Variants in CLCN3 observed in about 807,000 individuals in gnomAD.
The protein encoded by CLCN3 is Cl-/H+ antiporter 3, also known as H(+)/Cl(-) exchange transporter 3.
In CLCN3, 16 loss-of-function variants were observed where a neutral mutation model predicts 83.4. That is an observed-to-expected ratio of 0.19 (90% CI 0.13 to 0.29). The LOEUF is 0.29. CLCN3 is among the 10% of genes least tolerant of loss of function. The pLI is 1.00. For synonymous variants in CLCN3, 322 were observed against 346.2 expected, an observed-to-expected ratio of 0.93 and a Z score of 0.78; for missense variants, 544 against 1,006.0, an observed-to-expected ratio of 0.54 and a Z score of 6.21.
chr4:169,681,550 C>T (rs1414728782), intron 3 of CLCN3, among the ~76,000 whole-genome samples: 3 of 152,116 alleles, frequency 2.0e-5, no homozygotes, highest in South Asian at 2.1e-4. Context: ...AAATACAGTA[C>T]ATGAAATCCA....
chr4:169,661,086 T>G (rs1322844583), intron 2 of CLCN3, among the ~76,000 whole-genome samples: 1 of 151,758 alleles, frequency 6.6e-6, no homozygotes, highest in African/African-American at 2.4e-5. Context: ...AAAAATAATA[T>G]TGGTTTGTGA....
intron 2 of CLCN3, among the ~76,000 whole-genome samples, chr4:169,679,483 C>G (rs1176939263): frequency 2.6e-5 from 4 of 151,386 alleles, no homozygotes; most frequent in African/African-American, 4.9e-5. Context: ...ACTTCCTAGA[C>G]GGGGTGGCGG....
chr4:169,626,154 A>C (rs7683123), intron 1 of CLCN3, among the ~76,000 whole-genome samples: 1,953 of 152,338 alleles, frequency 0.013, 18 homozygotes, highest in Middle Eastern at 0.044. Flanking sequence ...GGTTCAATTA[A>C]TGTGCTAGAG....
intron 7 of CLCN3, among the ~76,000 whole-genome samples, 174 bp from the exon 8 acceptor site, chr4:169,695,438 A>G (rs139232713): frequency 6.6e-6 from 1 of 152,348 alleles, no homozygotes; most frequent in East Asian, 1.9e-4. Flanking sequence ...AAGCCAGGAG[A>G]AAGAAACAAA....
intron 9 of CLCN3, 89 bp from the exon 10 acceptor site, chr4:169,703,909 A>G: frequency 7.8e-7 from 1 of 1,288,116 alleles, no homozygotes; most frequent in Middle Eastern, 2.1e-4. Context: ...AAAAGAATCA[A>G]AAGTGTTAGA....
chr4:169,670,922 G>A (rs569166728), intron 2 of CLCN3, among the ~76,000 whole-genome samples: 47 of 152,290 alleles, frequency 3.1e-4, no homozygotes, highest in Admixed American at 7.2e-4. Context: ...GTCAAATGGT[G>A]ATTATTATAA....
chr4:169,710,334 G>A (rs943580662), intron 11 of CLCN3, among the ~76,000 whole-genome samples: 4 of 152,130 alleles, frequency 2.6e-5, no homozygotes, highest in African/African-American at 9.7e-5. Flanking sequence ...GCACGATCTT[G>A]GCTTACTTGA....
intron 2 of CLCN3, among the ~76,000 whole-genome samples, chr4:169,672,653 T>G (rs1241899199): frequency 6.6e-6 from 1 of 152,020 alleles, no homozygotes; most frequent in African/African-American, 2.4e-5. Flanking sequence ...GTTATATATA[T>G]TTTGTTTGTT....
At chr4:169,682,988 T>G (rs761831352) in intron 3 of CLCN3, among the ~76,000 whole-genome samples, 41 of 152,248 alleles carry the variant, frequency 2.7e-4, no homozygotes, top group African/African-American at 9.4e-4. Context: ...GACCGTACTT[T>G]GAAAATCACT....
intron 3 of CLCN3, among the ~76,000 whole-genome samples, chr4:169,682,968 G>A (rs953217159): frequency 4.6e-5 from 7 of 152,138 alleles, no homozygotes; most frequent in Admixed American, 3.9e-4. Flanking sequence ...GATCCTCCAA[G>A]GTGCCAGTAG....
intron 8 of CLCN3, 81 bp downstream of exon 8, chr4:169,695,773 GATGT>G: frequency 2.3e-6 from 2 of 865,692 alleles, no homozygotes; most frequent in Non-Finnish European, 3.7e-6. Context: ...TTTTGTAGGT[GATGT>G]AATAGGTAGA....
In CLCN3 at chr4:169,681,256, G is replaced by A. The variant is rs571982026; in HGVS notation, c.318+1049G>A. On this transcript the variant is annotated intron_variant, in intron 3 of 12. Coordinates refer to ENST00000513761, the MANE Select transcript of CLCN3 (RefSeq NM_001829.4). ...AGAGATGAAGTTTCGCCATGTTGGC[G>A]AGGCTAGTCTCAGACTCCTGGCCTC... Among the ~76,000 whole-genome samples the A allele has an allele frequency of 1.2e-4, 18 of 152,218 alleles. 1 individual carries two copies. The South Asian group carries it at 3.5e-3, about 30-fold the overall frequency.
At chr4:169,709,292 C>T (rs922501354) in intron 11 of CLCN3, among the ~76,000 whole-genome samples, 6 of 151,482 alleles carry the variant, frequency 4.0e-5, no homozygotes, top group Admixed American at 2.0e-4. Context: ...ATAGATTCTC[C>T]TGTTTCATAC....
At chr4:169,648,715 C>G (rs572445475) in intron 2 of CLCN3, among the ~76,000 whole-genome samples, 1 of 152,064 alleles carries the variant, frequency 6.6e-6, no homozygotes, top group South Asian at 2.1e-4. Context: ...AACTGTGATA[C>G]GATAAGGGCT....
chr4:169,657,486 AATTT>A (rs1730921350), intron 2 of CLCN3, among the ~76,000 whole-genome samples: 1 of 152,150 alleles, frequency 6.6e-6, no homozygotes, highest in Admixed American at 6.5e-5. Flanking sequence ...AATTGTTTAA[AATTT>A]ATTTTTATTG....
At chr4:169,643,666 T>C (rs1730487977) in intron 2 of CLCN3, among the ~76,000 whole-genome samples, 1 of 152,140 alleles carries the variant, frequency 6.6e-6, no homozygotes. Context: ...CCCAAGTAGC[T>C]GGGACTATAG....
At chr4:169,654,365 G>C (rs1020600497) in intron 2 of CLCN3, among the ~76,000 whole-genome samples, 1 of 151,152 alleles carries the variant, frequency 6.6e-6, no homozygotes. Flanking sequence ...TGCCTTTTTT[G>C]TTCTTTTCTA....
At chr4:169,666,099 G>A (rs1020584854) in intron 2 of CLCN3, among the ~76,000 whole-genome samples, 1 of 151,406 alleles carries the variant, frequency 6.6e-6, no homozygotes, top group Non-Finnish European at 1.5e-5. Context: ...CTAGTTCAGT[G>A]TTTGTCAAAC....
At chr4:169,668,757 G>A (rs965886800) in intron 2 of CLCN3, among the ~76,000 whole-genome samples, 4 of 146,918 alleles carry the variant, frequency 2.7e-5, no homozygotes, top group Non-Finnish European at 6.0e-5. Context: ...TCTTAAACTT[G>A]GAAGCTACTA....
Sources: allele counts gnomAD v4.1 joint callset (sites outside exome capture counted in the v4.1 genomes callset), GRCh38; gene constraint gnomAD v4.1.1; transcripts MANE v1.5; gene names NCBI Gene and HGNC (gene_info 2026-07-23, HGNC 2026-07-21).